CCDC171: variants seen among roughly 807,000 people sequenced by gnomAD.
CCDC171 encodes coiled-coil domain containing 171.
CCDC171 carries 177 observed loss-of-function variants against 168.2 expected under a neutral mutation model. That is an observed-to-expected ratio of 1.05 (90% CI 0.93 to 1.19). The LOEUF is 1.19. CCDC171 is among the 50% of genes most tolerant of loss of function. The pLI, the probability that CCDC171 is intolerant of heterozygous loss-of-function variation, is 0.00. For missense variants in CCDC171, 1,991 were observed against 1,539.0 expected (o/e 1.29, Z -4.91); for synonymous variants, 687 against 540.8 (o/e 1.27, Z -3.75).
At chr9:15,778,664 A>AAAAAAAAAAAAC (rs2057484194) in intron 19 of CCDC171, among the ~76,000 whole-genome samples, 1 of 150,716 alleles carries the variant, frequency 6.6e-6, no homozygotes, top group South Asian at 2.1e-4. Flanking sequence ...AAAAAAAAAA[A>AAAAAAAAAAAAC]AGGCATGACA....
chr9:15,930,112 A>G (rs1453703021), intron 25 of CCDC171, among the ~76,000 whole-genome samples: 1 of 151,702 alleles, frequency 6.6e-6, no homozygotes, highest in Non-Finnish European at 1.5e-5. Context: ...TAATGATCAG[A>G]TTTTAATAAA....
At chr9:15,853,982 G>T (rs994624165) in intron 23 of CCDC171, among the ~76,000 whole-genome samples, 1 of 150,206 alleles carries the variant, frequency 6.7e-6, no homozygotes, top group African/African-American at 2.4e-5. Flanking sequence ...TTTTGAATAT[G>T]CTGCTAGGTT....
intron 23 of CCDC171, among the ~76,000 whole-genome samples, chr9:15,853,540 A>G (rs1372968981): frequency 1.3e-5 from 2 of 151,528 alleles, no homozygotes; most frequent in East Asian, 1.9e-4. Flanking sequence ...TATGTTATCT[A>G]TGAGTATAGT....
the CCDC171 span, among the ~76,000 whole-genome samples, chr9:16,089,094 A>G: frequency 7.2e-5 from 11 of 152,152 alleles, no homozygotes; most frequent in Non-Finnish European, 1.5e-4. Flanking sequence ...AAACCTGACA[A>G]AAACAAGCAA....
chr9:15,778,300 C>G (rs867518078), intron 19 of CCDC171, among the ~76,000 whole-genome samples: 2 of 100,268 alleles, frequency 2.0e-5, no homozygotes, highest in Non-Finnish European at 3.6e-5. Flanking sequence ...GGCGACAGAG[C>G]GAGACTCCGT....
intron 21 of CCDC171, among the ~76,000 whole-genome samples, chr9:15,807,574 T>C (rs867405477): frequency 6.6e-6 from 1 of 152,134 alleles, no homozygotes; most frequent in East Asian, 1.9e-4. Context: ...TTGAGGGGAC[T>C]TGAGTGATTC....
At chr9:15,657,286 G>A in intron 8 of CCDC171, 67 bp downstream of exon 8, 2 of 916,962 alleles carry the variant, frequency 2.2e-6, no homozygotes, top group South Asian at 1.4e-5. Context: ...GGGAAAAACA[G>A]CACTGTGTTC....
At chr9:15,772,312 A>G (rs1382103348) in intron 18 of CCDC171, among the ~76,000 whole-genome samples, 1 of 151,778 alleles carries the variant, frequency 6.6e-6, no homozygotes, top group Non-Finnish European at 1.5e-5. Flanking sequence ...TCATGAATGT[A>G]TATCTGTGTG....
intron 24 of CCDC171, among the ~76,000 whole-genome samples, chr9:15,912,567 A>T (rs886203042): frequency 6.6e-6 from 1 of 152,206 alleles, no homozygotes; most frequent in East Asian, 1.9e-4. Context: ...TGCCTTGGCC[A>T]CAATTTCCAA....
chr9:15,813,844 G>C (rs987363920), intron 21 of CCDC171, among the ~76,000 whole-genome samples: 3 of 152,126 alleles, frequency 2.0e-5, no homozygotes, highest in African/African-American at 4.8e-5. Context: ...AATGCCTTAT[G>C]CAGCCATGTT....
At chr9:15,636,093 A>T (rs1204037036) in intron 7 of CCDC171, among the ~76,000 whole-genome samples, 1 of 152,118 alleles carries the variant, frequency 6.6e-6, no homozygotes, top group East Asian at 1.9e-4. Context: ...TCTTCTTTGG[A>T]GAAATAGCTA....
chr9:15,804,691 T>C (rs556311306), intron 21 of CCDC171, among the ~76,000 whole-genome samples: 1 of 151,916 alleles, frequency 6.6e-6, no homozygotes, highest in Non-Finnish European at 1.5e-5. Context: ...TAGCCTGGAG[T>C]TGTCTTGTTT....
At chr9:15,702,018 A>G (rs1445431671) in intron 11 of CCDC171, among the ~76,000 whole-genome samples, 1 of 152,204 alleles carries the variant, frequency 6.6e-6, no homozygotes, top group East Asian at 1.9e-4. Context: ...TTACTTCTTG[A>G]TCCATGGGCT....
intron 11 of CCDC171, among the ~76,000 whole-genome samples, chr9:15,696,541 G>A (rs2051230433): frequency 6.6e-6 from 1 of 152,134 alleles, no homozygotes; most frequent in Non-Finnish European, 1.5e-5. Context: ...TACAGCTTTG[G>A]AGGAGAAAAT....
intron 24 of CCDC171, among the ~76,000 whole-genome samples, chr9:15,878,878 A>G (rs1220105193): frequency 1.3e-5 from 2 of 152,224 alleles, no homozygotes; most frequent in Non-Finnish European, 2.9e-5. Flanking sequence ...ACACGGGAAC[A>G]GAAAACCAAA....
chr9:15,867,095 G>C (rs2061821179), intron 23 of CCDC171, among the ~76,000 whole-genome samples: 1 of 152,112 alleles, frequency 6.6e-6, no homozygotes, highest in South Asian at 2.1e-4. Context: ...CTTGGAAAGA[G>C]GTGTGCTAAC....
chr9:15,932,503 T>C (rs182336046), intron 25 of CCDC171, among the ~76,000 whole-genome samples: 9 of 152,054 alleles, frequency 5.9e-5, no homozygotes, highest in Admixed American at 3.9e-4. Context: ...TGTAAAAGTT[T>C]TTTTGGTGCA....
rs140916379 is a variant in CCDC171, at chr9:15,660,512, C to T, written c.915+3293C>T. Among the ~76,000 whole-genome samples the T allele has an allele frequency of 1.4e-3, 208 of 152,212 alleles. 1 individual carries two copies. Among genetic ancestry groups the T allele is most frequent in the African/African-American group, 4.3e-3 (177 of 41,540 alleles). On this transcript the variant is annotated intron_variant, in intron 8 of 25. Transcript: ENST00000380701. ...AGTAGTCCCCAGTGTGTATTGCTGT[C>T]GTCTTTATGTCCACAAGTATCCAGT...
chr9:15,737,117 C>A (rs2054547582), intron 16 of CCDC171, among the ~76,000 whole-genome samples: 1 of 151,504 alleles, frequency 6.6e-6, no homozygotes, highest in Non-Finnish European at 1.5e-5. Context: ...TACACTATAT[C>A]ATAAATTGCT....
Sources: allele counts gnomAD v4.1 joint callset (sites outside exome capture counted in the v4.1 genomes callset), GRCh38; gene constraint gnomAD v4.1.1; transcripts MANE v1.5; gene names NCBI Gene and HGNC (gene_info 2026-07-23, HGNC 2026-07-21).